NUP210L: variants seen among roughly 807,000 people sequenced by gnomAD.
NUP210L encodes nucleoporin 210 like.
NUP210L carries 74 observed loss-of-function variants against 208.5 expected under a neutral mutation model. That is an observed-to-expected ratio of 0.35 (90% CI 0.29 to 0.43). The LOEUF (loss-of-function observed/expected upper bound fraction) is 0.43. Ranked by LOEUF, NUP210L falls within the 20% of genes least tolerant of loss-of-function variation. The probability of loss-of-function intolerance (pLI) is 1.00; values close to 1 mark genes in which losing one functional copy is unlikely to be tolerated. For synonymous variants in NUP210L, 780 were observed against 816.9 expected, an observed-to-expected ratio of 0.95 and a Z score of 0.77; for missense variants, 1,843 against 2,289.4, an observed-to-expected ratio of 0.81 and a Z score of 3.98.
intron 4 of NUP210L, among the ~76,000 whole-genome samples, chr1:154,140,985 C>T (rs911665262): frequency 6.9e-6 from 1 of 145,932 alleles, no homozygotes; most frequent in Admixed American, 7.0e-5. Context: ...CAGAGCAAGA[C>T]TCCATCTCGA....
intron 8 of NUP210L, 85 bp from the exon 9 acceptor site, chr1:154,127,502 G>A: frequency 3.7e-6 from 2 of 536,604 alleles, no homozygotes; most frequent in Non-Finnish European, 6.4e-6. Context: ...TTATAAAGCT[G>A]TTCAAACAGC....
rs778706435 is a variant in NUP210L at position 154,030,044 on chromosome 1, T to C, written c.3707A>G (p.Gln1236Arg). 1.6e-5 allele frequency: 25 copies of C among 1,587,698 alleles called. No homozygotes were observed. Among genetic ancestry groups the C allele is most frequent in the African/African-American group, 2.7e-5 (2 of 73,338 alleles). ...GGCAAAGTTATGCTCTACTGGGAGC[T>C]GTAGAAAAACCTAGACAGTGAAGGG... Residue 1236 changes from glutamine to arginine, a missense_variant, in exon 28 of 40, where the codon CAG becomes CGG. Coordinates refer to ENST00000368559, the Ensembl canonical transcript of NUP210L.
intron 2 of NUP210L, among the ~76,000 whole-genome samples, chr1:154,147,055 C>T (rs1232688702): frequency 1.3e-5 from 2 of 152,104 alleles, no homozygotes; most frequent in Non-Finnish European, 2.9e-5. Flanking sequence ...AATTCCCCTT[C>T]CTTTAAATTG....
intron 10 of NUP210L, among the ~76,000 whole-genome samples, chr1:154,125,625 GGAA>G: frequency 3.0e-3 from 2 of 666 alleles, no homozygotes; most frequent in African/African-American, 4.7e-3. Context: ...CTCTCTGAAA[GGAA>G]GGAAGGAAGG....
intron 25 of NUP210L, among the ~76,000 whole-genome samples, chr1:154,049,153 T>C (rs1033342655): frequency 6.6e-6 from 1 of 152,162 alleles, no homozygotes; most frequent in Non-Finnish European, 1.5e-5. Context: ...CAATTTAACA[T>C]AGTTGGAGTT....
intron 38 of NUP210L, 47 bp downstream of exon 38, chr1:153,995,028 AG>A (rs139897267): frequency 7.1e-6 from 8 of 1,132,220 alleles, no homozygotes; most frequent in African/African-American, 6.7e-5. Context: ...AAAAAAAAAA[AG>A]GCAGTTTTCA....
chr1:154,113,857 CAAAAAAAAAAAA>C (rs11298820), intron 12 of NUP210L, among the ~76,000 whole-genome samples: 1 of 40,682 alleles, frequency 2.5e-5, no homozygotes, highest in Non-Finnish European at 4.2e-5. Context: ...GACTCCATCT[CAAAAAAAAAAAA>C]AAAAAAAAAA....
chr1:154,129,839 T>C (rs1399923372), intron 7 of NUP210L, among the ~76,000 whole-genome samples: 1 of 152,220 alleles, frequency 6.6e-6, no homozygotes, highest in Non-Finnish European at 1.5e-5. Context: ...TTGCAGTAAA[T>C]GTTTAATACC....
intron 12 of NUP210L, among the ~76,000 whole-genome samples, chr1:154,108,243 G>T (rs61805539): frequency 6.6e-6 from 1 of 151,832 alleles, no homozygotes; most frequent in Non-Finnish European, 1.5e-5. Context: ...CTGCAACCTC[G>T]ACCTCCTAGG....
chr1:154,036,830 G>A (rs1652584736), intron 27 of NUP210L, among the ~76,000 whole-genome samples: 1 of 151,406 alleles, frequency 6.6e-6, no homozygotes, highest in South Asian at 2.1e-4. Flanking sequence ...TGCAATCTTG[G>A]CTCACTGCAA....
chr1:154,148,966 T>G (rs1276640074), intron 2 of NUP210L, among the ~76,000 whole-genome samples: 2 of 152,126 alleles, frequency 1.3e-5, no homozygotes, highest in Non-Finnish European at 2.9e-5. Flanking sequence ...AAGCCCCCTT[T>G]TCAGTAGAGA....
intron 17 of NUP210L, among the ~76,000 whole-genome samples, chr1:154,067,940 A>C (rs1178804449): frequency 1.3e-5 from 2 of 152,220 alleles, no homozygotes; most frequent in Non-Finnish European, 2.9e-5. Flanking sequence ...TTAACGAAAT[A>C]AAAGAGGACA....
At chr1:153,999,923 C>T (rs1398597470) in intron 37 of NUP210L, among the ~76,000 whole-genome samples, 3 of 151,254 alleles carry the variant, frequency 2.0e-5, no homozygotes, top group African/African-American at 7.3e-5. Flanking sequence ...CTCCTGGTCT[C>T]AAGCAATCCT....
At chr1:154,149,173 C>T (rs188148295) in intron 2 of NUP210L, among the ~76,000 whole-genome samples, 134 of 149,040 alleles carry the variant, frequency 9.0e-4, no homozygotes, top group Admixed American at 2.5e-3. Flanking sequence ...GCAACCTCCA[C>T]CTCCCGGGTC....
chr1:154,072,506 G>A (rs975450091), intron 16 of NUP210L, among the ~76,000 whole-genome samples: 1 of 151,602 alleles, frequency 6.6e-6, no homozygotes, highest in East Asian at 1.9e-4. Flanking sequence ...CTAATTTTTT[G>A]TAGTTTTAGT....
chr1:154,016,138 T>C (rs1651236117), intron 33 of NUP210L, among the ~76,000 whole-genome samples: 1 of 151,572 alleles, frequency 6.6e-6, no homozygotes, highest in Non-Finnish European at 1.5e-5. Context: ...ACACTTGTGG[T>C]CCTGCTACTT....
intron 12 of NUP210L, among the ~76,000 whole-genome samples, chr1:154,116,585 T>C (rs1159426002): frequency 6.6e-6 from 1 of 151,600 alleles, no homozygotes; most frequent in African/African-American, 2.4e-5. Context: ...AAATTAACTG[T>C]GTGGGGTGGT....
intron 17 of NUP210L, among the ~76,000 whole-genome samples, chr1:154,063,403 T>C (rs1654239242): frequency 6.6e-6 from 1 of 152,064 alleles, no homozygotes; most frequent in African/African-American, 2.4e-5. Context: ...TTGTTGAGGG[T>C]GAGAAAAATA....
At chr1:153,993,240 C>T (rs1362468251) in intron 38 of NUP210L, 151 bp from the exon 39 acceptor site, 21 of 590,284 alleles carry the variant, frequency 3.6e-5, no homozygotes, top group Middle Eastern at 4.6e-4. Context: ...CCCAATTTAA[C>T]CCATTTTAGA....
Sources: gnomAD v4.1 joint callset for allele counts (sites outside exome capture counted in the v4.1 genomes callset) on GRCh38, gnomAD v4.1.1 for gene constraint, MANE v1.5 for transcripts, NCBI Gene and HGNC (gene_info 2026-07-23, HGNC 2026-07-21) for gene names.